CD101: variants seen among roughly 807,000 people sequenced by gnomAD.
CD101 encodes the protein immunoglobulin superfamily member 2.
A neutral mutation model predicts 98.2 loss-of-function variants in CD101; 76 were observed. The observed-to-expected ratio is 0.77, with a 90% CI of 0.64 to 0.94. CD101 has a LOEUF of 0.94. CD101 is among the 40% of genes least tolerant of loss of function. The probability of loss-of-function intolerance (pLI) is 0.00; values close to 1 mark genes in which losing one functional copy is unlikely to be tolerated. For synonymous variants in CD101, 471 were observed against 472.7 expected, an observed-to-expected ratio of 1.00 and a Z score of 0.05; for missense variants, 1,145 against 1,218.8, an observed-to-expected ratio of 0.94 and a Z score of 0.90.
chr1:117,021,645 G>A lies in CD101; in HGVS notation c.2090G>A (p.Cys697Tyr). 6.2e-7 allele frequency: 1 copy of A among 1,613,886 alleles called. No homozygotes were observed. Reference sequence around the variant, plus strand: ...ATCAACTCCAACACTGATATAGAATGTAGCATCTTGTCCCGGTCCAATGGA... The same window carrying A: ...ATCAACTCCAACACTGATATAGAATATAGCATCTTGTCCCGGTCCAATGGA... ...LSINSNTDIE[C>Y]SILSRSNGNL... Residue 697 changes from cysteine (C) to tyrosine (Y), a missense_variant, in exon 7 of 10, where the codon TGT becomes TAT. Coordinates refer to ENST00000682167, the MANE Select transcript of CD101 (RefSeq NM_001256106.3). This position sits in a 1 kb window ranked among gnomAD's most constrained non-coding sequence, Gnocchi z 4.7.
chr1:117,013,308 T>A (rs1470576768), intron 3 of CD101, 98 bp from the exon 4 acceptor site: 1 of 1,369,460 alleles, frequency 7.3e-7, no homozygotes, highest in African/African-American at 1.5e-5. Context: ...TAAAATGTGA[T>A]CCCTGTGACA....
rs1039865753 is a variant in CD101, at chr1:117,022,186, G to C, written c.2428+203G>C. Reference sequence around the variant, plus strand: ...TAAGGCAATCCAATCTGAGGTTTTGGGGAGCTGAGGTAGGAGCAATATCCC... The same window carrying C: ...TAAGGCAATCCAATCTGAGGTTTTGCGGAGCTGAGGTAGGAGCAATATCCC... On this transcript the variant is annotated intron_variant, in intron 7 of 9. Coordinates refer to ENST00000682167, the MANE Select transcript of CD101 (RefSeq NM_001256106.3). The surrounding 1 kb of genome is among the most constrained non-coding windows in gnomAD (Gnocchi z 4.8). Among the ~76,000 whole-genome samples the C allele has an allele frequency of 5.9e-5, 9 of 152,168 alleles. No homozygotes were observed. Among genetic ancestry groups the C allele is most frequent in the African/African-American group, 1.9e-4 (8 of 41,432 alleles).
Position 117,029,225 on chromosome 1 carries a change from G to GAAAGA in CD101, c.2824+3324_2824+3328dup, listed in dbSNP as rs1341928728. Among the ~76,000 whole-genome samples, 22 of 49,842 alleles carry GAAAGA rather than the reference G, an allele frequency of 4.4e-4. 2 individuals carry two copies. The highest frequency in any genetic ancestry group is 2.9e-3 in the East Asian group (6 of 2,064). 32.7% of individuals were successfully genotyped at this position (49,842 alleles called of 152,430 possible). A position where few individuals can be genotyped will look rare whatever the true frequency, so the allele number is the denominator to read the frequency against. ...AAAGAAAAGAAAGAAAAGAAAGAAA[G>GAAAGA]AAAGAAAGAAAGAAAGAAAGAAAGA... is the stretch of plus-strand genomic sequence containing the variant. On this transcript the variant is annotated intron_variant, in intron 8 of 9. Transcript: ENST00000682167.
rs776679690 is a variant in CD101, at chr1:117,011,665, C to T, written c.540C>T (p.Leu180=). ...ASKATAQHTH[L]SVTWYLTQDG... is the part of the protein sequence containing the mutation. ...AAGCCACAGCCCAACATACTCACCT[C>T]TCTGTCACCTGGTACCTAACACAGG... The change falls in exon 3 of 10, where the codon CTC becomes CTT. Residue 180 remains leucine (L), a synonymous_variant. Transcript: ENST00000682167. 8 of 1,614,210 alleles carry T rather than the reference C, an allele frequency of 5.0e-6. No individual in the cohort carries two copies. The highest frequency in any genetic ancestry group is 6.8e-6 in the Non-Finnish European group (8 of 1,180,038).
Position 117,023,166 on chromosome 1 carries a change from C to T in CD101, c.2428+1183C>T, listed in dbSNP as rs1653682160. Among the ~76,000 whole-genome samples, 1 of 152,188 alleles carries T rather than the reference C, an allele frequency of 6.6e-6. No individual in the cohort carries two copies. The highest frequency in any genetic ancestry group is 1.5e-5 in the Non-Finnish European group (1 of 68,040). ...CCTAAATTGCACTTAGCATCTCTGC[C>T]ATCTCACCATGCTCATTTGCACTTC... On this transcript the variant is annotated intron_variant, in intron 7 of 9. Coordinates refer to ENST00000682167, the MANE Select transcript of CD101 (RefSeq NM_001256106.3). This position sits in a 1 kb window ranked among gnomAD's most constrained non-coding sequence, Gnocchi z 4.4.
Position 117,025,759 on chromosome 1 carries a change from C to T in CD101, c.2679C>T (p.Val893=). 1 of 1,614,164 alleles carries T rather than the reference C, an allele frequency of 6.2e-7. No homozygotes were observed. The highest frequency in any genetic ancestry group is 1.3e-5 in the African/African-American group (1 of 75,032). The change falls in exon 8 of 10, where the codon GTC becomes GTT. Residue 893 remains valine (V), a synonymous_variant. Transcript: ENST00000682167. ...HCYRSSSTDF[V]LKLHQVEMED... Reference sequence around the variant, plus strand: ...ACCGTTCATCCTCTACAGACTTTGTCCTGAAGCTTCATCAGGTGGAGATGG... The same window carrying T: ...ACCGTTCATCCTCTACAGACTTTGTTCTGAAGCTTCATCAGGTGGAGATGG...
chr1:117,030,379 A>AAAAC lies in CD101; in HGVS notation c.2825-3457_2825-3454dup, dbSNP rs3835638. On this transcript the variant is annotated intron_variant, in intron 8 of 9. Transcript: ENST00000682167. ...CTGGATGACAGAGCAAGACACTGTC[A>AAAAC]AAACAAACAAACAAACAAACAAACA... Among the ~76,000 whole-genome samples the AAAAC allele has an allele frequency of 7.2e-3, 1,084 of 150,338 alleles. 13 individuals are homozygous for AAAAC. Among genetic ancestry groups the AAAAC allele is most frequent in the African/African-American group, 0.022 (899 of 40,602 alleles).
rs776066139 is a variant in CD101, at chr1:117,018,503, C to T, written c.1960C>T (p.Arg654Cys). ...TGACAGAAATTCCCTATACAACAAC[C>T]GCCCCCCGAGGGCTTCTGCCATCTC... ...VYDRNSLYNN[R>C]PPRASAISHP... The change falls in exon 6 of 10, where the codon CGC becomes TGC. Residue 654 changes from arginine (R) to cysteine (C), a missense_variant. By Grantham distance (180) the Arg-to-Cys change is radical (BLOSUM62 -3). Coordinates refer to ENST00000682167, the MANE Select transcript of CD101 (RefSeq NM_001256106.3). This position sits in a 1 kb window ranked among gnomAD's most constrained non-coding sequence, Gnocchi z 4.3. 30 of 1,613,432 alleles carry T rather than the reference C, an allele frequency of 1.9e-5. No individual in the cohort carries two copies. In the Middle Eastern group the frequency reaches 4.9e-4, roughly 27 times the overall value.
At chr1:117,008,029 A>G (rs1449613885) in intron 1 of CD101, among the ~76,000 whole-genome samples, 1 of 152,222 alleles carries the variant, frequency 6.6e-6, no homozygotes, top group Admixed American at 6.5e-5. Flanking sequence ...TTAAACTGCC[A>G]CTGTAGTATA....
At chr1:117,008,600 T>C (rs1341334826) in intron 1 of CD101, among the ~76,000 whole-genome samples, 1 of 152,232 alleles carries the variant, frequency 6.6e-6, no homozygotes, top group African/African-American at 2.4e-5. Flanking sequence ...CCACTTACCT[T>C]TTCTGTGCTT....
chr1:117,029,273 G>GAAAGAAAGAAAGAA (rs1289214690), intron 8 of CD101, among the ~76,000 whole-genome samples: 1 of 128,008 alleles, frequency 7.8e-6, no homozygotes, highest in African/African-American at 2.9e-5. Flanking sequence ...AAGAAAGAAA[G>GAAAGAAAGAAAGAA]AGTAGATACG....
chr1:117,027,351 G>T (rs996778988), intron 8 of CD101, among the ~76,000 whole-genome samples: 3 of 152,194 alleles, frequency 2.0e-5, no homozygotes, highest in Non-Finnish European at 4.4e-5. Context: ...TCCAGTGGGA[G>T]AAATCAAGTC....
rs1653414625 is a variant in CD101, at chr1:117,018,967, G to A, written c.2017+407G>A. Among the ~76,000 whole-genome samples, 3 of 152,212 alleles carry A rather than the reference G, an allele frequency of 2.0e-5. No homozygotes were observed. The highest frequency in any genetic ancestry group is 2.1e-4 in the South Asian group (1 of 4,828). On this transcript the variant is annotated intron_variant, in intron 6 of 9. Coordinates refer to ENST00000682167, the MANE Select transcript of CD101 (RefSeq NM_001256106.3). This position sits in a 1 kb window ranked among gnomAD's most constrained non-coding sequence, Gnocchi z 4.3. ...TTGCAGTGTCTCTGCTAGTGGTAGGGATAAGGTAAATTCCACTGGAATACA... is the reference window on the plus strand; with the variant it reads ...TTGCAGTGTCTCTGCTAGTGGTAGGAATAAGGTAAATTCCACTGGAATACA...
chr1:117,020,960 T>C (rs755854), intron 6 of CD101, among the ~76,000 whole-genome samples: 49,707 of 152,030 alleles, frequency 0.33, 8,646 homozygotes, highest in East Asian at 0.62. Context: ...GCTGCTGGGG[T>C]CAAAGATTAG....
chr1:117,028,375 T>C (rs1204094758), intron 8 of CD101, among the ~76,000 whole-genome samples: 1 of 152,206 alleles, frequency 6.6e-6, no homozygotes, highest in Non-Finnish European at 1.5e-5. Flanking sequence ...TCGGGTCATT[T>C]ACCAAGCAAG....
At position 117,034,068 on chromosome 1, in the gene CD101, G is replaced by A; in HGVS notation, c.3033G>A (p.Arg1011=). ...LKEAGGVTTN[R]REDEEEDEGN ...AGGCTGGAGGTGTGACCACAAATAG[G>A]AGGGAAGACGAGGAGGAAGATGAAG... is the stretch of plus-strand genomic sequence containing the variant. The change falls in exon 9 of 10, where the codon AGG becomes AGA. Residue 1011 remains arginine (R), a synonymous_variant. Transcript: ENST00000682167. 2.5e-6 allele frequency: 4 copies of A among 1,614,178 alleles called. No homozygotes were observed. Among genetic ancestry groups the A allele is most frequent in the Non-Finnish European group, 3.4e-6 (4 of 1,180,034 alleles).
Position 117,033,940 on chromosome 1 carries a change from CT to C in CD101, c.2907del (p.Leu970CysfsTer32). Reference protein sequence around the residue: ...LFICPFVLLLLLLISLLCLYW... With the variant: ...LFICPFVLLLXLLISLLCLYW... ...CATCTGTCCCTTCGTCCTGCTCCTC[CT>C]TCTGCTCATCTCCCTCCTCTGCTTA... is the stretch of plus-strand genomic sequence containing the variant. On this transcript the variant is annotated frameshift_variant, in exon 9 of 10. Coordinates refer to ENST00000682167, the MANE Select transcript of CD101 (RefSeq NM_001256106.3). LOFTEE classifies it high-confidence loss of function. This position sits in a 1 kb window ranked among gnomAD's most constrained non-coding sequence, Gnocchi z 4.8. 6.2e-7 allele frequency: 1 copy of C among 1,614,212 alleles called. No homozygotes were observed. Among genetic ancestry groups the C allele is most frequent in the East Asian group, 2.2e-5 (1 of 44,890 alleles).
Position 117,011,832 on chromosome 1 carries a change from T to G in CD101, c.707T>G (p.Ile236Arg). The G allele has an allele frequency of 6.2e-7, 1 of 1,614,108 alleles. No homozygotes were observed. The highest frequency in any genetic ancestry group is 1.1e-5 in the South Asian group (1 of 91,086). Reference protein sequence around the residue: ...KLGPTTFRLSIERLQSSDQGQ... With the variant: ...KLGPTTFRLSRERLQSSDQGQ... Reference sequence around the variant, plus strand: ...GGACCCACTACATTCAGGCTGTCCATAGAGAGGCTCCAGTCCTCAGATCAG... The same window carrying G: ...GGACCCACTACATTCAGGCTGTCCAGAGAGAGGCTCCAGTCCTCAGATCAG... Residue 236 changes from isoleucine (I) to arginine (R), a missense_variant, in exon 3 of 10, where the codon ATA becomes AGA. Ile to Arg is a moderately conservative substitution (Grantham distance 97). Coordinates refer to ENST00000682167, the MANE Select transcript of CD101 (RefSeq NM_001256106.3).
At chr1:117,007,601 G>A (rs1217082605) in intron 1 of CD101, among the ~76,000 whole-genome samples, 1 of 152,096 alleles carries the variant, frequency 6.6e-6, no homozygotes, top group Non-Finnish European at 1.5e-5. Context: ...GCCCACCTTG[G>A]CCTCCCAAAG....
Sources: allele counts gnomAD v4.1 joint callset (sites outside exome capture counted in the v4.1 genomes callset), GRCh38; gene constraint gnomAD v4.1.1; non-coding constraint Gnocchi (gnomAD v3.1); transcripts MANE v1.5; gene names NCBI Gene and HGNC (gene_info 2026-07-23, HGNC 2026-07-21).